The following KLHL5 variants were observed in gnomAD, a reference collection of about 807,000 sequenced individuals.
The protein encoded by KLHL5 is kelch-like protein 5.
In KLHL5, 48 loss-of-function variants were observed where a neutral mutation model predicts 77.7. The ratio of observed to expected loss-of-function variants is 0.62; its 90% CI spans 0.49 to 0.79. The LOEUF is 0.79. Among genes scored for constraint, KLHL5 ranks in the 30% least tolerant of loss-of-function variants. The pLI is 0.00. For synonymous variants in KLHL5, 260 were observed against 297.0 expected, an observed-to-expected ratio of 0.88 and a Z score of 1.28; for missense variants, 723 against 859.7, an observed-to-expected ratio of 0.84 and a Z score of 1.99.
intron 1 of KLHL5, among the ~76,000 whole-genome samples, chr4:39,054,143 A>G (rs1289957935): frequency 6.6e-6 from 1 of 152,166 alleles, no homozygotes; most frequent in Non-Finnish European, 1.5e-5. Context: ...TCTCTACTAG[A>G]CATCTAACCT....
the KLHL5 span, among the ~76,000 whole-genome samples, chr4:39,133,484 G>A: frequency 6.6e-6 from 1 of 151,416 alleles, no homozygotes; most frequent in African/African-American, 2.4e-5. Context: ...TGTAACCCAA[G>A]TGCTTTGGGA....
chr4:39,112,997 C>T, intron 8 of KLHL5, 23 bp from the exon 9 acceptor site: 2 of 1,596,052 alleles, frequency 1.3e-6, no homozygotes, highest in Non-Finnish European at 1.7e-6. Context: ...TCTTATTTAT[C>T]ATTTCATATA....
chr4:39,053,726 T>C (rs1716819493), intron 1 of KLHL5, among the ~76,000 whole-genome samples: 1 of 152,348 alleles, frequency 6.6e-6, no homozygotes, highest in South Asian at 2.1e-4. Flanking sequence ...CATAGTAGTA[T>C]CAGCTGTAAT....
chr4:39,067,843 G>C (rs531228713), intron 1 of KLHL5, among the ~76,000 whole-genome samples: 45 of 152,076 alleles, frequency 3.0e-4, no homozygotes, highest in African/African-American at 1.1e-3. Flanking sequence ...ACCATGCCTA[G>C]CTAATTTTTC....
chr4:39,139,158 T>C, the KLHL5 span, among the ~76,000 whole-genome samples: 1 of 152,014 alleles, frequency 6.6e-6, no homozygotes, highest in Admixed American at 6.6e-5. Flanking sequence ...GGCAGACGCC[T>C]GTAATCCCAG....
chr4:39,112,697 A>G (rs1722533267), intron 8 of KLHL5: 1 of 300,532 alleles, frequency 3.3e-6, no homozygotes, highest in South Asian at 3.7e-5. Context: ...TATTTTGTCT[A>G]TTCTAAGACA....
chr4:39,099,766 T>C (rs943185348), intron 6 of KLHL5, among the ~76,000 whole-genome samples: 2 of 152,178 alleles, frequency 1.3e-5, no homozygotes, highest in Non-Finnish European at 1.5e-5. Context: ...CGCTATTTAT[T>C]TGTAGATGCT....
the KLHL5 span, among the ~76,000 whole-genome samples, chr4:39,133,540 C>T: frequency 6.7e-6 from 1 of 149,794 alleles, no homozygotes; most frequent in South Asian, 2.1e-4. Flanking sequence ...CAAAACCAGC[C>T]TGGACAACAT....
At chr4:39,117,525 T>C (rs962594615) in intron 10 of KLHL5, among the ~76,000 whole-genome samples, 1 of 152,112 alleles carries the variant, frequency 6.6e-6, no homozygotes, top group African/African-American at 2.4e-5. Flanking sequence ...TGTAGATGGA[T>C]TCAAGAGATA....
chr4:39,051,515 A>G (rs1026449898), intron 1 of KLHL5, among the ~76,000 whole-genome samples: 5 of 152,338 alleles, frequency 3.3e-5, no homozygotes, highest in East Asian at 1.9e-4. Context: ...CTAAACTTCA[A>G]ATTCAGAAAG....
intron 5 of KLHL5, 110 bp from the exon 6 acceptor site, chr4:39,096,582 T>C: frequency 1.4e-6 from 1 of 722,766 alleles, no homozygotes; most frequent in South Asian, 2.1e-5. Context: ...GTGCCTATGC[T>C]TGAATTTTTT....
intron 9 of KLHL5, among the ~76,000 whole-genome samples, chr4:39,113,759 C>T (rs951958929): frequency 6.6e-6 from 1 of 152,020 alleles, no homozygotes; most frequent in Non-Finnish European, 1.5e-5. Flanking sequence ...GTGGTACAAT[C>T]AATAGGAGCT....
At chr4:39,132,586 C>T in the KLHL5 span, among the ~76,000 whole-genome samples, 7 of 150,296 alleles carry the variant, frequency 4.7e-5, no homozygotes, top group East Asian at 1.9e-4. Flanking sequence ...CCAGCCTGGG[C>T]GACAGAGTGA....
intron 8 of KLHL5, among the ~76,000 whole-genome samples, chr4:39,109,057 CA>C (rs566735909): frequency 1.4e-3 from 214 of 152,156 alleles, no homozygotes; most frequent in African/African-American, 4.8e-3. Context: ...TTAATCATAT[CA>C]GAAGCTAAGG....
chr4:39,078,316 G>A (rs28825972), intron 2 of KLHL5, among the ~76,000 whole-genome samples: 2,306 of 151,992 alleles, frequency 0.015, 53 homozygotes, highest in African/African-American at 0.052. Context: ...AACCCAGGCA[G>A]CAGAGGTTGC....
upstream of KLHL5, among the ~76,000 whole-genome samples, chr4:39,058,338 G>A (rs148240615): frequency 9.7e-4 from 148 of 152,188 alleles, 1 homozygote; most frequent in African/African-American, 3.3e-3. Context: ...AAAAAATACC[G>A]TACGATTTTG....
chr4:39,093,116 T>C, intron 5 of KLHL5: 1 of 455,916 alleles, frequency 2.2e-6, no homozygotes, highest in South Asian at 1.5e-5. Flanking sequence ...ATCCATCAAC[T>C]GGTGAATGGA....
downstream of KLHL5, among the ~76,000 whole-genome samples, chr4:39,127,262 A>G (rs548401305): frequency 6.6e-6 from 1 of 152,138 alleles, no homozygotes; most frequent in African/African-American, 2.4e-5. Context: ...CGGAGGTTGC[A>G]GTGAGCTGAC....
rs555236016 is a variant in KLHL5 at position 39,083,841 on chromosome 4, T to G, written c.900+1682T>G. On this transcript the variant is annotated intron_variant, in intron 4 of 10. Transcript: ENST00000504108. ...GCTGCTTTAAGGCTTACACAGAAAT[T>G]AAATTTAAATTAGCTGGATGTTTTT... 1.6e-3 allele frequency among the ~76,000 whole-genome samples: 248 copies of G among 152,316 alleles called. 1 individual carries two copies. The Middle Eastern group carries it at 0.02, about 13-fold the overall frequency.
Sources: allele counts gnomAD v4.1 joint callset (sites outside exome capture counted in the v4.1 genomes callset), GRCh38; gene constraint gnomAD v4.1.1; transcripts MANE v1.5; gene names NCBI Gene and HGNC (gene_info 2026-07-23, HGNC 2026-07-21).